Variants in GOLGA4 observed in about 807,000 individuals in gnomAD.
The protein encoded by GOLGA4 is golgin A4, also known as golgin subfamily A member 4.
A neutral mutation model predicts 265.9 loss-of-function variants in GOLGA4; 169 were observed. The observed-to-expected ratio is 0.64, with a 90% CI of 0.56 to 0.72. The LOEUF (loss-of-function observed/expected upper bound fraction) is 0.72, where lower values mean the gene tolerates loss of function less well. Among genes scored for constraint, GOLGA4 ranks in the 30% least tolerant of loss-of-function variants. The probability of loss-of-function intolerance (pLI) is 0.00; values close to 1 mark genes in which losing one functional copy is unlikely to be tolerated. For synonymous variants in GOLGA4, 923 were observed against 855.8 expected, an observed-to-expected ratio of 1.08 and a Z score of -1.37; for missense variants, 2,482 against 2,483.4, an observed-to-expected ratio of 1.00 and a Z score of 0.01.
At chr3:37,250,012 GTT>G (rs2096729630) in intron 1 of GOLGA4, 1 of 152,232 alleles carries the variant, frequency 6.6e-6, no homozygotes, top group South Asian at 2.1e-4. Context: ...AGTCTCATGT[GTT>G]TCATTGATGG....
chr3:37,251,942 A>G (rs1456385763), intron 2 of GOLGA4, among the ~76,000 whole-genome samples: 1 of 152,224 alleles, frequency 6.6e-6, no homozygotes, highest in Non-Finnish European at 1.5e-5. Flanking sequence ...TATGCTTTAT[A>G]AAGTATGGTT....
At chr3:37,353,620 C>T (rs940800742) in intron 21 of GOLGA4, among the ~76,000 whole-genome samples, 2 of 152,066 alleles carry the variant, frequency 1.3e-5, no homozygotes, top group African/African-American at 4.8e-5. Context: ...TCACTGCAAC[C>T]TCAAATTCCT....
At chr3:37,361,941 GTC>G (rs1447970567) in intron 23 of GOLGA4, among the ~76,000 whole-genome samples, 1 of 152,166 alleles carries the variant, frequency 6.6e-6, no homozygotes, top group Non-Finnish European at 1.5e-5. Flanking sequence ...GCAGTTGACT[GTC>G]TTCATCATTT....
intron 2 of GOLGA4, among the ~76,000 whole-genome samples, chr3:37,281,576 G>T (rs1302676557): frequency 6.6e-6 from 1 of 152,156 alleles, no homozygotes; most frequent in Non-Finnish European, 1.5e-5. Flanking sequence ...TGTTACAGAT[G>T]GTGTATGGAG....
chr3:37,293,380 G>A (rs2096869949), intron 5 of GOLGA4, among the ~76,000 whole-genome samples: 1 of 151,984 alleles, frequency 6.6e-6, no homozygotes, highest in Non-Finnish European at 1.5e-5. Flanking sequence ...TTTTCTTCCA[G>A]TGTGGACTAG....
intron 7 of GOLGA4, among the ~76,000 whole-genome samples, chr3:37,297,199 C>T (rs1056663494): frequency 3.3e-5 from 5 of 152,160 alleles, no homozygotes; most frequent in Middle Eastern, 3.2e-3. Context: ...GAGGTATATA[C>T]GCAATAAAAT....
rs367546310 is a variant in GOLGA4, at chr3:37,300,485, GT to G, written c.1086+1125del. Among the ~76,000 whole-genome samples the G allele has an allele frequency of 9.7e-3, 1,402 of 145,086 alleles. 12 individuals are homozygous for G. Among genetic ancestry groups the G allele is most frequent in the African/African-American group, 0.013 (525 of 39,852 alleles). On this transcript the variant is annotated intron_variant, in intron 9 of 23. Transcript: ENST00000361924. ...CACTTCTTGAGGGCCTACTTAAATT[GT>G]TTTTTTTTTTAAATATTATAATGAA...
chr3:37,260,992 C>A (rs2096768268), intron 2 of GOLGA4, among the ~76,000 whole-genome samples: 2 of 138,824 alleles, frequency 1.4e-5, no homozygotes, highest in South Asian at 4.4e-4. Flanking sequence ...CATAGTGAGA[C>A]CCTGTCTCTA....
intron 22 of GOLGA4, among the ~76,000 whole-genome samples, chr3:37,358,966 C>G (rs2097097533): frequency 6.6e-6 from 1 of 152,138 alleles, no homozygotes; most frequent in African/African-American, 2.4e-5. Flanking sequence ...ATTATACTAT[C>G]TCTAAGGTTT....
chr3:37,325,666 TAAG>T lies in GOLGA4; in HGVS notation c.3781_3783del (p.Lys1261del). On this transcript the variant is annotated inframe_deletion, in exon 14 of 24. Transcript: ENST00000361924. ...ATTGTCAGCACCGTACAACTAAAGT[TAAG>T]GAGGCACTGTTAATTAAAACTTGCA... 1 of 1,613,912 alleles carries T rather than the reference TAAG, an allele frequency of 6.2e-7. No individual in the cohort carries two copies. Among genetic ancestry groups the T allele is most frequent in the Non-Finnish European group, 8.5e-7 (1 of 1,179,828 alleles).
At chr3:37,294,225 A>C (rs937552856) in intron 5 of GOLGA4, among the ~76,000 whole-genome samples, 2 of 152,192 alleles carry the variant, frequency 1.3e-5, no homozygotes, top group Non-Finnish European at 2.9e-5. Flanking sequence ...TTTACAGATG[A>C]GAAAGCGTTT....
At chr3:37,343,840 A>G (rs866610549) in intron 20 of GOLGA4, among the ~76,000 whole-genome samples, 3 of 152,200 alleles carry the variant, frequency 2.0e-5, no homozygotes, top group Admixed American at 6.5e-5. Flanking sequence ...AACGTTCATG[A>G]CATATTTACG....
chr3:37,326,310 A>G lies in GOLGA4; in HGVS notation c.4424A>G (p.Tyr1475Cys), dbSNP rs1208435983. The G allele has an allele frequency of 1.2e-5, 20 of 1,611,846 alleles. No homozygotes were observed. Among genetic ancestry groups the G allele is most frequent in the Non-Finnish European group, 1.7e-5 (20 of 1,179,010 alleles). The change falls in exon 14 of 24, where the codon TAT becomes TGT. Residue 1475 changes from tyrosine (Y) to cysteine (C), a missense_variant. Tyr to Cys is a radical substitution (Grantham distance 194). Around this residue, in one of 3 missense-constraint regions of GOLGA4, gnomAD observed 942 missense variants for 983.1 expected, o/e 0.96. Transcript: ENST00000361924. ...IQLELKSKEA[Y>C]EKDEQINLLK... ...CTTGAGTTAAAATCAAAGGAAGCTT[A>G]TGAAAAGGATGAGCAGATAAATTTA...
In GOLGA4 at chr3:37,355,205, G is replaced by A; in HGVS notation, c.6663+18G>A. ...GGCTGATGGTAAGTTCTGGAAGTGG[G>A]CTCTAGATAGAAGATGATTTCCCAT... On this transcript the variant is annotated intron_variant, in intron 22 of 23. Coordinates refer to ENST00000361924, the MANE Select transcript of GOLGA4 (RefSeq NM_002078.5). The A allele has an allele frequency of 1.5e-6, 2 of 1,294,704 alleles. No homozygotes were observed. Among genetic ancestry groups the A allele is most frequent in the Middle Eastern group, 3.7e-4 (2 of 5,410 alleles). 80.2% of individuals were successfully genotyped at this position (1,294,704 alleles called of 1,614,324 possible).
chr3:37,259,869 A>G (rs2096764560), intron 2 of GOLGA4, among the ~76,000 whole-genome samples: 1 of 152,124 alleles, frequency 6.6e-6, no homozygotes, highest in African/African-American at 2.4e-5. Flanking sequence ...TTATGCTGTC[A>G]TTTTGTTTAA....
chr3:37,255,828 A>G (rs915764339), intron 2 of GOLGA4, among the ~76,000 whole-genome samples: 3 of 151,460 alleles, frequency 2.0e-5, no homozygotes, highest in Admixed American at 6.6e-5. Context: ...TCTCAGCACT[A>G]CGCAGCTTCA....
chr3:37,354,832 A>C (rs1487058115), intron 21 of GOLGA4, among the ~76,000 whole-genome samples: 4 of 152,124 alleles, frequency 2.6e-5, no homozygotes, highest in Non-Finnish European at 5.9e-5. Flanking sequence ...TTATTTAAAT[A>C]AAGGGGCCAA....
intron 10 of GOLGA4, among the ~76,000 whole-genome samples, chr3:37,306,385 G>C (rs1262354509): frequency 6.6e-6 from 1 of 152,064 alleles, no homozygotes; most frequent in Non-Finnish European, 1.5e-5. Context: ...AAAGTTTGGT[G>C]GTTCAGCTTA....
At position 37,366,306 on chromosome 3, in the gene GOLGA4, G is replaced by T. The variant is rs1402289692; in HGVS notation, c.*260G>T. The T allele has an allele frequency of 2.3e-6, 1 of 442,640 alleles. No homozygotes were observed. The highest frequency in any genetic ancestry group is 3.3e-5 in the East Asian group (1 of 30,662). 27.4% of individuals were successfully genotyped at this position (442,640 alleles called of 1,614,324 possible). A position where few individuals can be genotyped will look rare whatever the true frequency, so the allele number is the denominator to read the frequency against. ...TTTTTCTTCAGTTTTCTCTTGGGAA[G>T]AGTTTTATGTTGTTTAAAAGATATT... On this transcript the variant is annotated 3_prime_UTR_variant, in exon 24 of 24. Transcript: ENST00000361924.
Sources: allele counts gnomAD v4.1 joint callset (sites outside exome capture counted in the v4.1 genomes callset), GRCh38; gene constraint gnomAD v4.1.1; regional missense constraint gnomAD v4.1.1; transcripts MANE v1.5; gene names NCBI Gene and HGNC (gene_info 2026-07-23, HGNC 2026-07-21).